Variants in TMEM132D observed in about 807,000 individuals in gnomAD.
TMEM132D encodes mature OL transmembrane protein.
Under a neutral mutation model 62.3 loss-of-function variants are expected in TMEM132D, and 21 were observed. The ratio of observed to expected loss-of-function variants is 0.34; its 90% CI spans 0.24 to 0.49. The LOEUF (loss-of-function observed/expected upper bound fraction) is 0.49. Among genes scored for constraint, TMEM132D ranks in the 20% least tolerant of loss-of-function variants. TMEM132D has a pLI of 0.99. For missense variants in TMEM132D, 1,346 were observed against 1,402.8 expected, an observed-to-expected ratio of 0.96 and a Z score of 0.65; for synonymous variants, 621 against 575.6, an observed-to-expected ratio of 1.08 and a Z score of -1.13.
chr12:129,863,295 A>G (rs1399679776), intron 1 of TMEM132D, among the ~76,000 whole-genome samples: 4 of 152,056 alleles, frequency 2.6e-5, no homozygotes, highest in Non-Finnish European at 5.9e-5. Context: ...ATGGAAACTA[A>G]TAGGTTTTCC....
intron 4 of TMEM132D, among the ~76,000 whole-genome samples, chr12:129,292,185 A>G (rs1400898662): frequency 2.6e-5 from 4 of 152,252 alleles, no homozygotes; most frequent in African/African-American, 9.6e-5. Flanking sequence ...AAATAAATTC[A>G]TCCACATCAA....
At chr12:129,585,773 T>C (rs1451739556) in intron 2 of TMEM132D, among the ~76,000 whole-genome samples, 2 of 152,024 alleles carry the variant, frequency 1.3e-5, no homozygotes, top group Non-Finnish European at 2.9e-5. Context: ...GAAAGTATCA[T>C]ATAATGCATT....
intron 6 of TMEM132D, among the ~76,000 whole-genome samples, chr12:129,083,341 CCT>C (rs1322107581): frequency 6.6e-6 from 1 of 152,160 alleles, no homozygotes; most frequent in East Asian, 1.9e-4. Context: ...GCAGCTGTTC[CCT>C]CTCACACTCA....
chr12:129,381,948 C>T (rs1174903273), intron 3 of TMEM132D, among the ~76,000 whole-genome samples: 1 of 152,182 alleles, frequency 6.6e-6, no homozygotes, highest in African/African-American at 2.4e-5. Flanking sequence ...TAAATGATTA[C>T]ACAGACCGTA....
At chr12:129,121,708 C>A (rs1486252119) in intron 5 of TMEM132D, among the ~76,000 whole-genome samples, 4 of 152,124 alleles carry the variant, frequency 2.6e-5, no homozygotes, top group Non-Finnish European at 4.4e-5. Flanking sequence ...TACACTACAC[C>A]CCGGCCACCA....
intron 5 of TMEM132D, among the ~76,000 whole-genome samples, chr12:129,120,242 C>G (rs1279705828): frequency 1.3e-5 from 2 of 152,154 alleles, no homozygotes; most frequent in Admixed American, 1.3e-4. Flanking sequence ...GAGGTACAGT[C>G]TATGGGGGCA....
rs527710163 is a variant in TMEM132D at position 129,858,882 on chromosome 12, G to T, written c.79+44379C>A. Reference sequence around the variant, plus strand: ...AACAGAGTCCGGGGGAACGGGATGGGTGCCCTTATAACAGAGTCCGGGGGA... The same window carrying T: ...AACAGAGTCCGGGGGAACGGGATGGTTGCCCTTATAACAGAGTCCGGGGGA... On this transcript the variant is annotated intron_variant, in intron 1 of 8. Transcript: ENST00000422113. Among the ~76,000 whole-genome samples the T allele has an allele frequency of 1.6e-4, 21 of 128,568 alleles. 1 individual carries two copies. The South Asian group carries it at 4.4e-3, about 27-fold the overall frequency. The allele number at this position is 128,568 out of a possible 152,430, so 84.3% of individuals were successfully genotyped here. A position where few individuals can be genotyped will look rare whatever the true frequency, so the allele number is the denominator to read the frequency against.
Position 129,112,247 on chromosome 12 carries a change from A to C in TMEM132D, c.1444-27545T>G, listed in dbSNP as rs79997304. On this transcript the variant is annotated intron_variant, in intron 5 of 8. Transcript: ENST00000422113. ...GGATGCATTCTGGGGTGAATGTATG[A>C]AAAGTTGGGAAGGACAGGCAGAATC... is the stretch of plus-strand genomic sequence containing the variant. 8.0e-3 allele frequency among the ~76,000 whole-genome samples: 1,223 copies of C among 152,356 alleles called. 25 individuals carry two copies. Among genetic ancestry groups the C allele is most frequent in the African/African-American group, 0.028 (1,166 of 41,588 alleles).
chr12:129,901,508 ACTTG>A (rs1357013325), intron 1 of TMEM132D, among the ~76,000 whole-genome samples: 42 of 152,216 alleles, frequency 2.8e-4, no homozygotes, highest in African/African-American at 1.0e-3. Flanking sequence ...TGTCTGGCTG[ACTTG>A]CTTAAGTTCA....
At chr12:129,238,080 C>T (rs561903160) in intron 4 of TMEM132D, among the ~76,000 whole-genome samples, 81 of 152,252 alleles carry the variant, frequency 5.3e-4, no homozygotes, top group East Asian at 2.9e-3. Flanking sequence ...ACCACCATCC[C>T]CATATCAAAT....
At position 129,248,030 on chromosome 12, in the gene TMEM132D, C is replaced by A. The variant is rs141843480; in HGVS notation, c.1300-38367G>T. On this transcript the variant is annotated intron_variant, in intron 4 of 8. Transcript: ENST00000422113. ...CTTTAGCATAAAATTCAAGCCAAAG[C>A]TATCATTGTTCTCTACCTCGATATC... Among the ~76,000 whole-genome samples, 940 of 152,202 alleles carry A rather than the reference C, an allele frequency of 6.2e-3. 7 individuals carry two copies. Among genetic ancestry groups the A allele is most frequent in the African/African-American group, 0.022 (894 of 41,530 alleles).
At chr12:129,776,375 CTTT>C (rs1565981621) in intron 1 of TMEM132D, among the ~76,000 whole-genome samples, 1 of 152,070 alleles carries the variant, frequency 6.6e-6, no homozygotes, top group Non-Finnish European at 1.5e-5. Context: ...ACTTGGGAAG[CTTT>C]TTTTGGAAGT....
chr12:129,377,076 CATTGT>C (rs1337628944), intron 3 of TMEM132D, among the ~76,000 whole-genome samples: 1 of 152,184 alleles, frequency 6.6e-6, no homozygotes, highest in African/African-American at 2.4e-5. Flanking sequence ...ACTCTTTAAA[CATTGT>C]ATTGTGTCTC....
chr12:129,686,217 C>A (rs1159767849), intron 2 of TMEM132D, among the ~76,000 whole-genome samples: 2 of 151,962 alleles, frequency 1.3e-5, no homozygotes, highest in African/African-American at 4.8e-5. Flanking sequence ...TGGCTGTGTC[C>A]CCACCCAAAT....
intron 3 of TMEM132D, among the ~76,000 whole-genome samples, chr12:129,492,208 G>A (rs546311781): frequency 6.6e-6 from 1 of 152,190 alleles, no homozygotes; most frequent in East Asian, 1.9e-4. Flanking sequence ...TCAGTTTCAA[G>A]CCAATTACAA....
chr12:129,559,277 A>C (rs1877147250), intron 2 of TMEM132D, among the ~76,000 whole-genome samples: 1 of 152,232 alleles, frequency 6.6e-6, no homozygotes, highest in Non-Finnish European at 1.5e-5. Flanking sequence ...TAGGAAAGAG[A>C]ATACACAGAA....
chr12:129,073,948 A>C lies in TMEM132D; in HGVS notation c.3227T>G (p.Val1076Gly), dbSNP rs781691976. The C allele has an allele frequency of 1.2e-6, 2 of 1,608,694 alleles. No homozygotes were observed. The highest frequency in any genetic ancestry group is 1.7e-6 in the Non-Finnish European group (2 of 1,177,144). ...VMSSEDDIKW[V>G]CQDLDPGDCK... ...GTCCCCAGGGTCCAGATCCTGGCAG[A>C]CCCACTTAATGTCATCCTCGCTACT... The change falls in exon 9 of 9, where the codon GTC becomes GGC. Residue 1076 changes from valine (V) to glycine (G), a missense_variant. Val to Gly is a moderately radical substitution (Grantham distance 109). Coordinates refer to ENST00000422113, the MANE Select transcript of TMEM132D (RefSeq NM_133448.3).
intron 3 of TMEM132D, among the ~76,000 whole-genome samples, chr12:129,513,774 C>G (rs1342490859): frequency 3.3e-5 from 5 of 150,074 alleles, no homozygotes; most frequent in Non-Finnish European, 7.4e-5. Flanking sequence ...CGTGAGCCAC[C>G]GCGCCCGGCC....
chr12:129,756,162 C>T (rs968487104), intron 1 of TMEM132D, among the ~76,000 whole-genome samples: 29 of 152,248 alleles, frequency 1.9e-4, no homozygotes, highest in African/African-American at 6.0e-4. Context: ...ACAAGTTTAA[C>T]GTTTCAGCTA....
Sources: gnomAD v4.1 joint callset for allele counts (sites outside exome capture counted in the v4.1 genomes callset) on GRCh38, gnomAD v4.1.1 for gene constraint, MANE v1.5 for transcripts, NCBI Gene and HGNC (gene_info 2026-07-23, HGNC 2026-07-21) for gene names.